FBN2: variants seen among roughly 807,000 people sequenced by gnomAD.
The protein encoded by FBN2 is fibrillin-2.
A neutral mutation model predicts 355.6 loss-of-function variants in FBN2; 105 were observed. That is an observed-to-expected ratio of 0.30 (90% CI 0.25 to 0.35). The LOEUF (loss-of-function observed/expected upper bound fraction) is 0.35, where lower values mean the gene tolerates loss of function less well. FBN2 is among the 10% of genes least tolerant of loss of function. FBN2 has a pLI of 1.00. For missense variants in FBN2, 3,280 were observed against 3,758.7 expected (o/e 0.87, Z 3.33); for synonymous variants, 1,350 against 1,301.2 (o/e 1.04, Z -0.81).
chr5:128,341,272 C>T (rs1447151511), intron 25 of FBN2, among the ~76,000 whole-genome samples: 2 of 152,170 alleles, frequency 1.3e-5, no homozygotes, highest in Admixed American at 6.5e-5. Flanking sequence ...TTATCCAGCA[C>T]CAGGATTGCC....
At chr5:128,284,671 C>T (rs1347957153) in intron 55 of FBN2, among the ~76,000 whole-genome samples, 1 of 152,208 alleles carries the variant, frequency 6.6e-6, no homozygotes, top group Non-Finnish European at 1.5e-5. Flanking sequence ...TACACTCGGG[C>T]TTTCAGGTAA....
intron 34 of FBN2, among the ~76,000 whole-genome samples, chr5:128,323,177 TA>T: frequency 6.6e-6 from 1 of 152,360 alleles, no homozygotes; most frequent in Non-Finnish European, 1.5e-5. Flanking sequence ...TGCGGTTTTC[TA>T]AATATACAAT....
intron 25 of FBN2, among the ~76,000 whole-genome samples, chr5:128,341,652 G>C (rs1363486913): frequency 6.6e-6 from 1 of 152,172 alleles, no homozygotes; most frequent in Admixed American, 6.5e-5. Flanking sequence ...CCCAGTTCCA[G>C]AACTCCCAGT....
At chr5:128,322,830 G>A (rs943028620) in intron 34 of FBN2, among the ~76,000 whole-genome samples, 5 of 152,064 alleles carry the variant, frequency 3.3e-5, no homozygotes, top group Admixed American at 2.6e-4. Context: ...AGCTTGATGG[G>A]GATACCATTG....
At position 128,297,368 on chromosome 5, in the gene FBN2, C is replaced by A. The variant is rs1010631730; in HGVS notation, c.6166+3449G>T. On this transcript the variant is annotated intron_variant, in intron 48 of 64. Coordinates refer to ENST00000262464, the MANE Select transcript of FBN2 (RefSeq NM_001999.4). ...TCTATTAGGTCCGCTTGGTGCAGAG[C>A]TGAGTTCAATTCCTGGGTATGCTTG... 3.3e-5 allele frequency among the ~76,000 whole-genome samples: 5 copies of A among 152,148 alleles called. No homozygotes were observed. In the East Asian group the frequency reaches 9.6e-4, roughly 29 times the overall value.
rs1749222575 is a variant in FBN2, at chr5:128,288,518, C to T, written c.6677G>A (p.Gly2226Asp). 1.2e-6 allele frequency: 2 copies of T among 1,613,688 alleles called. No individual in the cohort carries two copies. Among genetic ancestry groups the T allele is most frequent in the Middle Eastern group, 1.6e-4 (1 of 6,084 alleles). ...ECSIGNPCGN[G>D]TCTNVIGSFE... is the part of the protein sequence containing the mutation. ...ACTCCCAATAACATTGGTGCATGTACCATTTCCACACGGATTGCCGATTGA... is the reference window on the plus strand; with the variant it reads ...ACTCCCAATAACATTGGTGCATGTATCATTTCCACACGGATTGCCGATTGA... The change falls in exon 53 of 65, where the codon GGT (glycine) becomes GAT (aspartate). Residue 2226 changes from glycine (G) to aspartate (D), a missense_variant. Physicochemically the swap from Gly to Asp is moderately conservative, Grantham distance 94 (BLOSUM62 -1). Around this residue, in one of 6 missense-constraint regions of FBN2, gnomAD observed 2,284 missense variants for 2,749.5 expected, o/e 0.83. Coordinates refer to ENST00000262464, the MANE Select transcript of FBN2 (RefSeq NM_001999.4).
chr5:128,392,857 G>A (rs1053792028), intron 10 of FBN2, among the ~76,000 whole-genome samples: 5 of 152,264 alleles, frequency 3.3e-5, no homozygotes, highest in African/African-American at 9.6e-5. Flanking sequence ...ATGTATTTGC[G>A]AAGACCTGGG....
chr5:128,427,106 T>G (rs1012637513), intron 7 of FBN2, among the ~76,000 whole-genome samples: 1 of 152,168 alleles, frequency 6.6e-6, no homozygotes, highest in Admixed American at 6.5e-5. Context: ...GTCTAACAGA[T>G]GTCTCAAATT....
chr5:128,326,819 C>T (rs1048809649), intron 34 of FBN2, among the ~76,000 whole-genome samples: 28 of 152,044 alleles, frequency 1.8e-4, no homozygotes, highest in African/African-American at 6.5e-4. Context: ...GAGTTTCTCT[C>T]TGTGGTAATG....
At chr5:128,335,053 T>A in intron 30 of FBN2, 117 bp downstream of exon 30, 3 of 1,465,144 alleles carry the variant, frequency 2.0e-6, no homozygotes, top group Non-Finnish European at 2.8e-6. Flanking sequence ...TCTAGTAAAA[T>A]GATTTGAATT....
chr5:128,520,932 G>C (rs1432741017), intron 4 of FBN2, among the ~76,000 whole-genome samples: 1 of 151,890 alleles, frequency 6.6e-6, no homozygotes, highest in Non-Finnish European at 1.5e-5. Context: ...GAAAGGAAAA[G>C]GAAAAAAGGC....
intron 11 of FBN2, among the ~76,000 whole-genome samples, chr5:128,390,390 T>C (rs142589601): frequency 2.6e-5 from 4 of 152,226 alleles, no homozygotes; most frequent in African/African-American, 9.6e-5. Flanking sequence ...TTTTTAATCA[T>C]GTTAACATTT....
In FBN2 at chr5:128,311,445, G is replaced by A. The variant is rs1259695204; in HGVS notation, c.4949-20C>T. On this transcript the variant is annotated intron_variant, in intron 38 of 64. Coordinates refer to ENST00000262464, the MANE Select transcript of FBN2 (RefSeq NM_001999.4). ...CAATGTCTACAAAAAGGGAGACAGT[G>A]CACTTAAAACAAACACCTTCACTAA... 1 of 1,613,370 alleles carries A rather than the reference G, an allele frequency of 6.2e-7. No homozygotes were observed. The highest frequency in any genetic ancestry group is 1.7e-5 in the Admixed American group (1 of 60,012).
At position 128,519,243 on chromosome 5, in the gene FBN2, C is replaced by T. The variant is rs768063142; in HGVS notation, c.628+30G>A. 7 of 1,463,028 alleles carry T rather than the reference C, an allele frequency of 4.8e-6. No individual in the cohort carries two copies. The South Asian group carries it at 8.0e-5, about 17-fold the overall frequency. 90.6% of individuals were successfully genotyped at this position (1,463,028 alleles called of 1,614,324 possible). A position where few individuals can be genotyped will look rare whatever the true frequency, so the allele number is the denominator to read the frequency against. On this transcript the variant is annotated intron_variant, in intron 5 of 64. Transcript: ENST00000262464. ...ATTTTTACAATAAAATAGACTTCTT[C>T]AGAAAGTAAAGTCTCATTTCTCTTC...
At chr5:128,301,548 C>G (rs1259125815) in intron 46 of FBN2, 38 bp from the exon 47 acceptor site, 1 of 1,601,326 alleles carries the variant, frequency 6.2e-7, no homozygotes, top group Non-Finnish European at 8.5e-7. Flanking sequence ...AGAAAGAGCT[C>G]TTAACATGTA....
rs1581205631 is a variant in FBN2 at position 128,308,911 on chromosome 5, C to T, written c.5353+336G>A. 2.0e-5 allele frequency among the ~76,000 whole-genome samples: 3 copies of T among 152,282 alleles called. 1 individual carries two copies. The highest frequency in any genetic ancestry group is 4.1e-4 in the South Asian group (2 of 4,828). ...TTTCCATGTCTAGCACAGTGACATA[C>T]AGTAGTTACTCAAGAAATATTTGTT... On this transcript the variant is annotated intron_variant, in intron 41 of 64. Transcript: ENST00000262464.
chr5:128,379,076 A>T (rs1752160990), intron 11 of FBN2, among the ~76,000 whole-genome samples, 186 bp from the exon 12 acceptor site: 1 of 152,198 alleles, frequency 6.6e-6, no homozygotes, highest in African/African-American at 2.4e-5. Flanking sequence ...TTGAGGATTT[A>T]CAAAAATATC....
chr5:128,531,722 GTATA>G (rs778150660), intron 2 of FBN2, among the ~76,000 whole-genome samples: 3 of 116,798 alleles, frequency 2.6e-5, no homozygotes. Flanking sequence ...ATGTATGTGT[GTATA>G]TATATATATA....
chr5:128,304,370 A>G (rs1234955740), intron 45 of FBN2, among the ~76,000 whole-genome samples: 1 of 152,296 alleles, frequency 6.6e-6, no homozygotes, highest in East Asian at 1.9e-4. Context: ...GCAAGTACTC[A>G]CTAAGCTCTA....
Sources: allele counts gnomAD v4.1 joint callset (sites outside exome capture counted in the v4.1 genomes callset), GRCh38; gene constraint gnomAD v4.1.1; regional missense constraint gnomAD v4.1.1; transcripts MANE v1.5; gene names NCBI Gene and HGNC (gene_info 2026-07-23, HGNC 2026-07-21).